CDC73: variants seen among roughly 807,000 people sequenced by gnomAD.
The protein encoded by CDC73 is cell division cycle 73.
CDC73 carries 21 observed loss-of-function variants against 83.7 expected under a neutral mutation model. That is an observed-to-expected ratio of 0.25 (90% CI 0.18 to 0.36). CDC73 has a LOEUF of 0.36. Among genes scored for constraint, CDC73 ranks in the 10% least tolerant of loss-of-function variants. CDC73 has a pLI of 1.00. For synonymous variants in CDC73, 224 were observed against 212.9 expected, an observed-to-expected ratio of 1.05 and a Z score of -0.45; for missense variants, 342 against 653.3, an observed-to-expected ratio of 0.52 and a Z score of 5.19.
At chr1:193,163,984 GC>G (rs1676389029) in intron 10 of CDC73, among the ~76,000 whole-genome samples, 1 of 152,126 alleles carries the variant, frequency 6.6e-6, no homozygotes, top group South Asian at 2.1e-4. Flanking sequence ...CGCCATGTTG[GC>G]CAGGCTGGCC....
intron 10 of CDC73, among the ~76,000 whole-genome samples, chr1:193,177,793 G>C (rs10921323): frequency 0.61 from 92,919 of 151,938 alleles, 29,085 homozygotes; most frequent in South Asian, 0.77. Context: ...AATTGCAGTT[G>C]AGATTATATG....
chr1:193,230,853 T>C (rs576316103), intron 13 of CDC73, among the ~76,000 whole-genome samples: 103 of 152,320 alleles, frequency 6.8e-4, no homozygotes, highest in African/African-American at 2.2e-3. Flanking sequence ...TCTATCCTTA[T>C]GTTTTCAAAT....
At chr1:193,172,216 C>T (rs1019735177) in intron 10 of CDC73, among the ~76,000 whole-genome samples, 10 of 148,334 alleles carry the variant, frequency 6.7e-5, no homozygotes, top group Admixed American at 2.0e-4. Context: ...TGAGCCACTG[C>T]GCCTGGCTGA....
chr1:193,179,862 A>C (rs1366313975), intron 10 of CDC73: 3 of 152,786 alleles, frequency 2.0e-5, no homozygotes, highest in African/African-American at 7.2e-5. Context: ...ACAATTAAAA[A>C]GTTTCCTTAA....
At chr1:193,144,894 T>C (rs187290706) in intron 7 of CDC73, among the ~76,000 whole-genome samples, 1 of 151,868 alleles carries the variant, frequency 6.6e-6, no homozygotes, top group Admixed American at 6.6e-5. Context: ...TTGCCAATGA[T>C]AAAATGACAG....
intron 10 of CDC73, among the ~76,000 whole-genome samples, chr1:193,193,736 C>G (rs957674898): frequency 3.3e-5 from 5 of 150,838 alleles, no homozygotes; most frequent in African/African-American, 4.9e-5. Flanking sequence ...ATTACTGTCT[C>G]CAGAATTTAT....
intron 10 of CDC73, among the ~76,000 whole-genome samples, chr1:193,198,590 G>A (rs1431155767): frequency 6.6e-6 from 1 of 152,222 alleles, no homozygotes; most frequent in Non-Finnish European, 1.5e-5. Context: ...TGCCCAGTGT[G>A]TGGTATTTTG....
chr1:193,233,240 T>G, intron 14 of CDC73, 86 bp downstream of exon 14: 1 of 1,249,594 alleles, frequency 8.0e-7, no homozygotes, highest in Middle Eastern at 2.7e-4. Flanking sequence ...GACGTTGCTT[T>G]TTAAGAGATG....
chr1:193,138,198 G>A, intron 6 of CDC73, 25 bp downstream of exon 6: 5 of 1,435,442 alleles, frequency 3.5e-6, no homozygotes, highest in Admixed American at 1.7e-5. Flanking sequence ...TAAGTAGAAA[G>A]TAGGTAGTTT....
At chr1:193,246,628 TTCA>T (rs1677959599) in intron 15 of CDC73, among the ~76,000 whole-genome samples, 1 of 152,144 alleles carries the variant, frequency 6.6e-6, no homozygotes, top group South Asian at 2.1e-4. Flanking sequence ...TTTTTTTCTC[TTCA>T]TCATTTCTTA....
At chr1:193,167,411 T>G (rs1676451356) in intron 10 of CDC73, among the ~76,000 whole-genome samples, 1 of 152,152 alleles carries the variant, frequency 6.6e-6, no homozygotes, top group Non-Finnish European at 1.5e-5. Flanking sequence ...TAGTAACATG[T>G]TAACAAGCGC....
At chr1:193,154,680 G>T (rs1183495853) in intron 10 of CDC73, among the ~76,000 whole-genome samples, 2 of 152,186 alleles carry the variant, frequency 1.3e-5, no homozygotes. Context: ...TTATGCAGTT[G>T]TTAGAATTAA....
intron 7 of CDC73, among the ~76,000 whole-genome samples, chr1:193,145,896 C>G (rs1444587846): frequency 6.6e-6 from 1 of 152,162 alleles, no homozygotes; most frequent in Admixed American, 6.5e-5. Flanking sequence ...TTGGTCCTAG[C>G]TCTCACAGAA....
chr1:193,162,808 A>G (rs116753619), intron 10 of CDC73, among the ~76,000 whole-genome samples: 3 of 152,266 alleles, frequency 2.0e-5, no homozygotes, highest in South Asian at 2.1e-4. Flanking sequence ...CAGTTTTTCT[A>G]CAGTGTCTTT....
In CDC73 at chr1:193,215,593, T is replaced by A. The variant is rs1434553410; in HGVS notation, c.1154+3116T>A. Reference sequence around the variant, plus strand: ...GGGCAAAGAATGAAATTAACACAGGTTTTTTTTTTTTTTTGAGACAGGGTC... The same window carrying A: ...GGGCAAAGAATGAAATTAACACAGGATTTTTTTTTTTTTTGAGACAGGGTC... On this transcript the variant is annotated intron_variant, in intron 13 of 16. Transcript: ENST00000367435. Among the ~76,000 whole-genome samples the A allele has an allele frequency of 6.0e-5, 8 of 134,008 alleles. No individual in the cohort carries two copies. In the South Asian group the frequency reaches 2.1e-3, roughly 35 times the overall value. The allele number at this position is 134,008 out of a possible 152,430, so 87.9% of individuals were successfully genotyped here. A position where few individuals can be genotyped will look rare whatever the true frequency, so the allele number is the denominator to read the frequency against.
At chr1:193,211,136 T>G (rs541438944) in intron 11 of CDC73, among the ~76,000 whole-genome samples, 27 of 152,162 alleles carry the variant, frequency 1.8e-4, no homozygotes, top group Non-Finnish European at 1.3e-4. Context: ...AGTCCCCACT[T>G]ACTAGCAGGG....
chr1:193,191,205 A>C (rs151225264), intron 10 of CDC73, among the ~76,000 whole-genome samples: 2 of 152,328 alleles, frequency 1.3e-5, no homozygotes, highest in African/African-American at 4.8e-5. Context: ...CCAATGGTTC[A>C]CCATATCAAA....
In CDC73 at chr1:193,141,966, A is replaced by G; in HGVS notation, c.629A>G (p.Gln210Arg). 1 of 1,613,934 alleles carries G rather than the reference A, an allele frequency of 6.2e-7. No individual in the cohort carries two copies. The highest frequency in any genetic ancestry group is 8.5e-7 in the Non-Finnish European group (1 of 1,179,848). ...GATGATGACATAACTGCCCTTAAAC[A>G]GAGGAGTTTTGTGGATGCTGAGGTA... Reference protein sequence around the residue: ...DLDDDITALKQRSFVDAEVDV... With the variant: ...DLDDDITALKRRSFVDAEVDV... Residue 210 changes from glutamine to arginine, a missense_variant, in exon 7 of 17, where the codon CAG becomes CGG. Coordinates refer to ENST00000367435, the MANE Select transcript of CDC73 (RefSeq NM_024529.5).
At chr1:193,170,795 C>T (rs1676506364) in intron 10 of CDC73, among the ~76,000 whole-genome samples, 1 of 152,094 alleles carries the variant, frequency 6.6e-6, no homozygotes, top group African/African-American at 2.4e-5. Context: ...TATTTGTCAT[C>T]TTTTGCTTTT....
Sources: gnomAD v4.1 joint callset for allele counts (sites outside exome capture counted in the v4.1 genomes callset) on GRCh38, gnomAD v4.1.1 for gene constraint, MANE v1.5 for transcripts, NCBI Gene and HGNC (gene_info 2026-07-23, HGNC 2026-07-21) for gene names.